The following ABRAXAS1 variants were observed in gnomAD, a reference collection of about 807,000 sequenced individuals.
ABRAXAS1 encodes the protein abraxas 1, BRCA1 A complex subunit.
A neutral mutation model predicts 38.4 loss-of-function variants in ABRAXAS1; 26 were observed. The observed-to-expected ratio is 0.68, with a 90% CI of 0.50 to 0.94. The LOEUF (loss-of-function observed/expected upper bound fraction) is 0.94. Among genes scored for constraint, ABRAXAS1 ranks in the 40% least tolerant of loss-of-function variants. The pLI is 0.00. For synonymous variants in ABRAXAS1, 144 were observed against 165.5 expected, an observed-to-expected ratio of 0.87 and a Z score of 1.00; for missense variants, 438 against 481.9, an observed-to-expected ratio of 0.91 and a Z score of 0.85.
Position 83,485,006 on chromosome 4 carries a change from G to A in ABRAXAS1, c.67C>T (p.Leu23Phe), listed in dbSNP as rs1396500613. 5.6e-6 allele frequency: 9 copies of A among 1,593,668 alleles called. No individual in the cohort carries two copies. Among genetic ancestry groups the A allele is most frequent in the Non-Finnish European group, 7.7e-6 (9 of 1,170,598 alleles). The change falls in exon 1 of 9, where the codon CTC becomes TTC. Residue 23 changes from leucine to phenylalanine, a missense_variant. By Grantham distance (22) the Leu-to-Phe change is conservative (BLOSUM62 0). This residue lies in a region of ABRAXAS1 where 60 missense variants were observed against 31.1 expected (regional missense o/e 1.93). Coordinates refer to ENST00000321945, the MANE Select transcript of ABRAXAS1 (RefSeq NM_139076.3). ...CTCACCGTGTCCGAGTCCGTGTTGA[G>A]GTGCTGGAAAGCGAGTGCGCCGAGC... ...FVLGALAFQH[L>F]NTDSDTEGFL...
At chr4:83,477,402 CA>C (rs111579408) in intron 2 of ABRAXAS1, 396 of 164,110 alleles carry the variant, frequency 2.4e-3, no homozygotes, top group South Asian at 6.6e-3. Flanking sequence ...GTGTCCGAAC[CA>C]AAAAAAAAAA....
chr4:83,484,888 C>T, intron 1 of ABRAXAS1, 98 bp downstream of exon 1: 6 of 1,020,024 alleles, frequency 5.9e-6, no homozygotes, highest in Non-Finnish European at 8.2e-6. Context: ...GCGGCGGCGT[C>T]GGGGGAGCGG....
In ABRAXAS1 at chr4:83,462,882, CT is replaced by C; in HGVS notation, c.816del (p.Asp273ThrfsTer29). ...IQAAREKNIQ[K>X]DPQENIFLCQ... The stretch of plus-strand genomic sequence containing the variant: ...CAAAGAAAAATGTTCTCCTGAGGGT[CT>C]TTTTGGATGTTCTTCTCTCCTAAAC... On this transcript the variant is annotated frameshift_variant, in exon 9 of 9. Coordinates refer to ENST00000321945, the MANE Select transcript of ABRAXAS1 (RefSeq NM_139076.3). LOFTEE classifies it low-confidence loss of function (END_TRUNC). 1 of 1,582,426 alleles carries C rather than the reference CT, an allele frequency of 6.3e-7. No homozygotes were observed. The highest frequency in any genetic ancestry group is 1.2e-5 in the South Asian group (1 of 84,484).
In ABRAXAS1 at chr4:83,467,484, T is replaced by C; in HGVS notation, c.651A>G (p.Glu217=). ...ATTCCTCTTGTAATGAAGCATACAT[T>C]TCATTTATCTTATGTACCTCCTTTA... ...GSLKEVHKIN[E]MYASLQEELK... The change falls in exon 7 of 9, where the codon GAA becomes GAG. Residue 217 remains glutamate, a synonymous_variant. Coordinates refer to ENST00000321945, the MANE Select transcript of ABRAXAS1 (RefSeq NM_139076.3). 1 of 1,562,516 alleles carries C rather than the reference T, an allele frequency of 6.4e-7. No homozygotes were observed. The highest frequency in any genetic ancestry group is 8.8e-7 in the Non-Finnish European group (1 of 1,137,004).
In ABRAXAS1 at chr4:83,465,545, T is replaced by G. The variant is rs138381482; in HGVS notation, c.681+1909A>C. On this transcript the variant is annotated intron_variant, in intron 7 of 8. Transcript: ENST00000321945. ...GCTCACACCTGTAATCCCAGTACTT[T>G]GGGAGGCCAAGGAAGGTGGATTGCT... 1.3e-3 allele frequency among the ~76,000 whole-genome samples: 196 copies of G among 152,274 alleles called. 1 individual carries two copies. Among genetic ancestry groups the G allele is most frequent in the African/African-American group, 4.4e-3 (184 of 41,566 alleles).
In ABRAXAS1 at chr4:83,465,960, T is replaced by TG. The variant is rs534419945; in HGVS notation, c.681+1493dup. On this transcript the variant is annotated intron_variant, in intron 7 of 8. Coordinates refer to ENST00000321945, the MANE Select transcript of ABRAXAS1 (RefSeq NM_139076.3). ...TATACTCCTTAGTAAGATCTCCAAC[T>TG]GGGGGAAGCATAGTTGACTTAACAG... 3.8e-3 allele frequency among the ~76,000 whole-genome samples: 582 copies of TG among 152,324 alleles called. 3 individuals carry two copies. The highest frequency in any genetic ancestry group is 6.8e-3 in the Middle Eastern group (2 of 294).
At position 83,459,688 on chromosome 4, in the gene ABRAXAS1, GAAATAAA is replaced by G; in HGVS notation, c.*2774_*2780del. The G allele has an allele frequency of 6.6e-7, 1 of 1,513,178 alleles. No homozygotes were observed. 93.7% of individuals were successfully genotyped at this position (1,513,178 alleles called of 1,614,324 possible). A position where few individuals can be genotyped will look rare whatever the true frequency, so the allele number is the denominator to read the frequency against. ...TTGTTTTTTGAAATTTACACATTCAGAAATAAATAACAGATACTTTTTTTTCCCCTCC... is the reference window on the plus strand; with the variant it reads ...TTGTTTTTTGAAATTTACACATTCAGTAACAGATACTTTTTTTTCCCCTCC... On this transcript the variant is annotated 3_prime_UTR_variant, in exon 9 of 9. Coordinates refer to ENST00000321945, the MANE Select transcript of ABRAXAS1 (RefSeq NM_139076.3).
At chr4:83,469,373 G>T in intron 5 of ABRAXAS1, 1 of 478,072 alleles carries the variant, frequency 2.1e-6, no homozygotes. Context: ...CAGTGCAGTG[G>T]TGCGATCATG....
At position 83,462,541 on chromosome 4, in the gene ABRAXAS1, G is replaced by GCTCATTTTGGATGCTTTAT. The variant is rs1471268824; in HGVS notation, c.1139_1157dup (p.Ser386ArgfsTer2). On this transcript the variant is annotated stop_gained and frameshift_variant, in exon 9 of 9. Transcript: ENST00000321945. LOFTEE classifies it high-confidence loss of function. ...CAATTTCTTCATCTGTTTCTGGGCTGCTCATTTTGGATGCTTTATCTTGGT... is the reference window on the plus strand; with the variant it reads ...CAATTTCTTCATCTGTTTCTGGGCTGCTCATTTTGGATGCTTTATCTCATTTTGGATGCTTTATCTTGGT... 1.2e-6 allele frequency: 2 copies of GCTCATTTTGGATGCTTTAT among 1,613,976 alleles called. No homozygotes were observed. The highest frequency in any genetic ancestry group is 2.7e-5 in the African/African-American group (2 of 74,922).
chr4:83,464,422 C>T (rs1329755758), intron 7 of ABRAXAS1, among the ~76,000 whole-genome samples: 2 of 151,966 alleles, frequency 1.3e-5, no homozygotes, highest in African/African-American at 4.8e-5. Flanking sequence ...GCCATAATTC[C>T]ATTTGGGAAT....
intron 3 of ABRAXAS1, among the ~76,000 whole-genome samples, chr4:83,473,066 C>T (rs187280934): frequency 6.6e-6 from 1 of 152,100 alleles, no homozygotes; most frequent in African/African-American, 2.4e-5. Flanking sequence ...ATGGCTCGAG[C>T]CCAGAAGTTT....
In ABRAXAS1 at chr4:83,462,602, T is replaced by C. The variant is rs1269730495; in HGVS notation, c.1097A>G (p.Gln366Arg). 2 of 1,614,170 alleles carry C rather than the reference T, an allele frequency of 1.2e-6. No homozygotes were observed. Among genetic ancestry groups the C allele is most frequent in the Admixed American group, 1.7e-5 (1 of 60,022 alleles). Reference sequence around the variant, plus strand: ...AGTATCTGCTTTAGATCGTTTGTCTTGTGTATCTAACAACCGAGATCTCTT... The same window carrying C: ...AGTATCTGCTTTAGATCGTTTGTCTCGTGTATCTAACAACCGAGATCTCTT... ...QFKRSRLLDT[Q>R]DKRSKADTGS... Residue 366 changes from glutamine (Q) to arginine (R), a missense_variant, in exon 9 of 9, where the codon CAA becomes CGA. Gln to Arg is a conservative substitution (Grantham distance 43). Coordinates refer to ENST00000321945, the MANE Select transcript of ABRAXAS1 (RefSeq NM_139076.3).
chr4:83,465,944 TAGTA>T lies in ABRAXAS1; in HGVS notation c.681+1506_681+1509del, dbSNP rs1402419952. 2.0e-5 allele frequency among the ~76,000 whole-genome samples: 3 copies of T among 152,200 alleles called. No homozygotes were observed. The South Asian group carries it at 6.2e-4, about 31-fold the overall frequency. On this transcript the variant is annotated intron_variant, in intron 7 of 8. Coordinates refer to ENST00000321945, the MANE Select transcript of ABRAXAS1 (RefSeq NM_139076.3). Reference sequence around the variant, plus strand: ...GTGGTGGCCATGGAAATATACTCCTTAGTAAGATCTCCAACTGGGGGAAGCATAG... The same window carrying T: ...GTGGTGGCCATGGAAATATACTCCTTAGATCTCCAACTGGGGGAAGCATAG...
intron 2 of ABRAXAS1, chr4:83,477,875 A>C: frequency 1.3e-6 from 1 of 743,498 alleles, no homozygotes; most frequent in Admixed American, 1.8e-5. Context: ...AACTCTTTTA[A>C]TCAACATGAT....
At position 83,459,910 on chromosome 4, in the gene ABRAXAS1, C is replaced by A. The variant is rs778916006; in HGVS notation, c.*2559G>T. On this transcript the variant is annotated 3_prime_UTR_variant, in exon 9 of 9. Coordinates refer to ENST00000321945, the MANE Select transcript of ABRAXAS1 (RefSeq NM_139076.3). ...ATTGTGCTATAAATTACTACTAGATCAGATACTACAGGGACTAGAGCTAGT... is the reference window on the plus strand; with the variant it reads ...ATTGTGCTATAAATTACTACTAGATAAGATACTACAGGGACTAGAGCTAGT... The A allele has an allele frequency of 1.2e-6, 1 of 820,384 alleles. No homozygotes were observed. The highest frequency in any genetic ancestry group is 1.9e-6 in the Non-Finnish European group (1 of 517,808). 50.8% of individuals were successfully genotyped at this position (820,384 alleles called of 1,614,324 possible). A position where few individuals can be genotyped will look rare whatever the true frequency, so the allele number is the denominator to read the frequency against.
chr4:83,480,621 T>C (rs1722965168), intron 2 of ABRAXAS1, among the ~76,000 whole-genome samples: 1 of 152,176 alleles, frequency 6.6e-6, no homozygotes, highest in African/African-American at 2.4e-5. Flanking sequence ...AATCTGCTAA[T>C]GCAGATCAAA....
At chr4:83,473,713 G>T (rs953237493) in intron 3 of ABRAXAS1, among the ~76,000 whole-genome samples, 4 of 151,798 alleles carry the variant, frequency 2.6e-5, no homozygotes, top group African/African-American at 7.2e-5. Flanking sequence ...AGGGAGTTTC[G>T]CCATGTTACC....
intron 7 of ABRAXAS1, among the ~76,000 whole-genome samples, chr4:83,466,285 C>T (rs1373776781): frequency 2.0e-5 from 3 of 152,146 alleles, no homozygotes; most frequent in Non-Finnish European, 4.4e-5. Context: ...CCTTCTCAGG[C>T]CCAATAAATC....
intron 4 of ABRAXAS1, among the ~76,000 whole-genome samples, chr4:83,471,663 T>G (rs1277905519): frequency 1.3e-5 from 2 of 152,124 alleles, no homozygotes; most frequent in African/African-American, 4.8e-5. Context: ...AGGATCCAAA[T>G]TCAGTGCTAT....
Sources: gnomAD v4.1 joint callset for allele counts (sites outside exome capture counted in the v4.1 genomes callset) on GRCh38, gnomAD v4.1.1 for gene constraint, gnomAD v4.1.1 regional missense constraint, MANE v1.5 for transcripts, NCBI Gene and HGNC (gene_info 2026-07-23, HGNC 2026-07-21) for gene names.